IFT122: variants seen among roughly 807,000 people sequenced by gnomAD.
IFT122 encodes intraflagellar transport 122.
Under a neutral mutation model 161.6 loss-of-function variants are expected in IFT122, and 118 were observed. The observed-to-expected ratio is 0.73, with a 90% CI of 0.63 to 0.85. The LOEUF (loss-of-function observed/expected upper bound fraction) is 0.85, where lower values mean the gene tolerates loss of function less well. Ranked by LOEUF, IFT122 falls within the 40% of genes least tolerant of loss-of-function variation. The pLI is 0.00. For missense variants in IFT122, 1,381 were observed against 1,579.6 expected (o/e 0.87, Z 2.13); for synonymous variants, 550 against 602.4 (o/e 0.91, Z 1.27).
At chr3:129,474,480 C>T (rs886529134) in intron 9 of IFT122, among the ~76,000 whole-genome samples, 6 of 152,128 alleles carry the variant, frequency 3.9e-5, no homozygotes, top group African/African-American at 1.4e-4. Flanking sequence ...CCTGTGTCTA[C>T]AGACAACGAG....
At chr3:129,507,789 GA>G (rs1297748455) in intron 23 of IFT122, 27 bp downstream of exon 23, 1 of 1,553,226 alleles carries the variant, frequency 6.4e-7, no homozygotes. Flanking sequence ...ACCAGCACCT[GA>G]GGGTACCATC....
At chr3:129,487,364 C>T (rs1232823078) in intron 15 of IFT122, 1 of 150,742 alleles carries the variant, frequency 6.6e-6, no homozygotes, top group African/African-American at 2.4e-5. Context: ...TGGCTATTGC[C>T]AGCTATTTGC....
chr3:129,516,914 TCCTGCACACACACGGAGACTGCC>T (rs2083885202), intron 26 of IFT122, among the ~76,000 whole-genome samples: 1 of 67,576 alleles, frequency 1.5e-5, no homozygotes. Context: ...CAGAGACCGC[TCCTGCACACACACGGAGACTGCC>T]CCTGCACACA....
intron 3 of IFT122, among the ~76,000 whole-genome samples, chr3:129,455,574 G>A (rs1169010292): frequency 6.6e-6 from 1 of 151,906 alleles, no homozygotes; most frequent in Non-Finnish European, 1.5e-5. Context: ...AATAGAAATA[G>A]CTAATTTTTT....
chr3:129,517,268 G>GCACACACACACACACACACACACA (rs777108020), intron 26 of IFT122, among the ~76,000 whole-genome samples: 10 of 117,120 alleles, frequency 8.5e-5, no homozygotes, highest in African/African-American at 3.2e-4. Context: ...CATTGCTCCT[G>GCACACACACACACACACACACACA]CACACACACA....
chr3:129,450,394 C>T (rs1432989833), intron 2 of IFT122, among the ~76,000 whole-genome samples: 2 of 152,174 alleles, frequency 1.3e-5, no homozygotes, highest in East Asian at 3.8e-4. Flanking sequence ...AACATAAGCT[C>T]CCTCTGGAAC....
At position 129,452,229 on chromosome 3, in the gene IFT122, G is replaced by A. The variant is rs542028948; in HGVS notation, c.193+231G>A. 481 of 498,544 alleles carry A rather than the reference G, an allele frequency of 9.6e-4. 2 individuals carry two copies. The highest frequency in any genetic ancestry group is 2.3e-3 in the South Asian group (112 of 49,038). The allele number at this position is 498,544 out of a possible 1,614,324, so 30.9% of individuals were successfully genotyped here. On this transcript the variant is annotated intron_variant, in intron 3 of 29. Coordinates refer to ENST00000348417, the MANE Select transcript of IFT122 (RefSeq NM_052989.3). ...CTTGAGTTACTTCAGAGAAAAAAAC[G>A]GTGGTCCCTCCCCTTATGGGGCTTC...
intron 11 of IFT122, 143 bp downstream of exon 11, chr3:129,476,944 T>TA: frequency 5.2e-5 from 45 of 860,002 alleles, no homozygotes; most frequent in Non-Finnish European, 7.0e-5. Flanking sequence ...TGTCTTGTTT[T>TA]CTTTTTTTTT....
At chr3:129,460,350 T>C (rs886609497) in intron 4 of IFT122, among the ~76,000 whole-genome samples, 1 of 152,228 alleles carries the variant, frequency 6.6e-6, no homozygotes, top group African/African-American at 2.4e-5. Flanking sequence ...TCATTTCACG[T>C]AATGTCCTCA....
Position 129,500,066 on chromosome 3 carries a change from CAT to C in IFT122, c.2374_2375del (p.Met792ValfsTer12), listed in dbSNP as rs769641859. ...TCTGTGGTGACCATGGCTGGGTTGA[CAT>C]GTAGGTTTTGGTCCCTGCCCCGAGA... Reference protein sequence around the residue: ...EICGDHGWVDMLIDIARKLDK... With the variant: ...EICGDHGWVDXLIDIARKLDK... On this transcript the variant is annotated frameshift_variant and splice_region_variant, in exon 19 of 30. Transcript: ENST00000348417. LOFTEE classifies it high-confidence loss of function. 1 of 1,614,148 alleles carries C rather than the reference CAT, an allele frequency of 6.2e-7. No homozygotes were observed. Among genetic ancestry groups the C allele is most frequent in the South Asian group, 1.1e-5 (1 of 91,076 alleles).
At chr3:129,464,322 AGT>A (rs1275408453) in intron 6 of IFT122, among the ~76,000 whole-genome samples, 1 of 152,070 alleles carries the variant, frequency 6.6e-6, no homozygotes, top group East Asian at 1.9e-4. Flanking sequence ...TGAGATGGAG[AGT>A]GGGAAGTGGT....
At chr3:129,509,388 C>T (rs1005306804) in intron 23 of IFT122, among the ~76,000 whole-genome samples, 1 of 152,162 alleles carries the variant, frequency 6.6e-6, no homozygotes, top group Non-Finnish European at 1.5e-5. Flanking sequence ...TTCCAGTGGC[C>T]GGCCACTATG....
At chr3:129,444,932 A>G (rs1279700479) in intron 1 of IFT122, among the ~76,000 whole-genome samples, 1 of 152,236 alleles carries the variant, frequency 6.6e-6, no homozygotes, top group Non-Finnish European at 1.5e-5. Flanking sequence ...TCTTCATGTA[A>G]TGCCTTAAGT....
At chr3:129,486,847 T>C (rs1311945754) in intron 15 of IFT122, among the ~76,000 whole-genome samples, 1 of 152,192 alleles carries the variant, frequency 6.6e-6, no homozygotes, top group African/African-American at 2.4e-5. Flanking sequence ...GTCACCAGCC[T>C]AGGATGTGGC....
chr3:129,479,497 A>C (rs1044339372), intron 12 of IFT122, among the ~76,000 whole-genome samples: 6 of 152,140 alleles, frequency 3.9e-5, no homozygotes, highest in Non-Finnish European at 8.8e-5. Flanking sequence ...GTTGCTACAA[A>C]TTACAGGATA....
intron 25 of IFT122, 35 bp downstream of exon 25, chr3:129,514,589 C>A: frequency 6.2e-7 from 1 of 1,613,104 alleles, no homozygotes; most frequent in Non-Finnish European, 8.5e-7. Context: ...GGTGGCTTCT[C>A]CTCTCCCTTG....
chr3:129,510,485 T>C (rs2082701420), intron 23 of IFT122, among the ~76,000 whole-genome samples: 1 of 152,170 alleles, frequency 6.6e-6, no homozygotes, highest in South Asian at 2.1e-4. Flanking sequence ...CCCTCATCTT[T>C]ATCAGGTGCT....
At position 129,461,290 on chromosome 3, in the gene IFT122, C is replaced by T; in HGVS notation, c.335C>T (p.Ser112Phe). ...NPITHQLASC[S>F]SSDFGLWSPE... is the part of the protein sequence containing the mutation. ...ATTACTCATCAACTGGCATCTTGTTCCTCCAGTGACTTTGGTACGTTCTGA... is the reference window on the plus strand; with the variant it reads ...ATTACTCATCAACTGGCATCTTGTTTCTCCAGTGACTTTGGTACGTTCTGA... The change falls in exon 5 of 30, where the codon TCC becomes TTC. Residue 112 changes from serine to phenylalanine, a missense_variant. This residue lies in a region of IFT122 where 134 missense variants were observed against 137.4 expected (regional missense o/e 0.98). Coordinates refer to ENST00000348417, the MANE Select transcript of IFT122 (RefSeq NM_052989.3). 6.2e-7 allele frequency: 1 copy of T among 1,612,366 alleles called. No individual in the cohort carries two copies.
At chr3:129,475,246 A>T (rs2077782468) in intron 9 of IFT122, among the ~76,000 whole-genome samples, 1 of 152,244 alleles carries the variant, frequency 6.6e-6, no homozygotes. Context: ...ATTCGCACTC[A>T]CTAAAATGGA....
Sources: allele counts gnomAD v4.1 joint callset (sites outside exome capture counted in the v4.1 genomes callset), GRCh38; gene constraint gnomAD v4.1.1; regional missense constraint gnomAD v4.1.1; transcripts MANE v1.5; gene names NCBI Gene and HGNC (gene_info 2026-07-23, HGNC 2026-07-21).